DRC4: variants seen among roughly 807,000 people sequenced by gnomAD.
The protein encoded by DRC4 is GAS-11.
At chr16:90,044,242 A>G in the DRC4 span, 2 of 451,848 alleles carry the variant, frequency 4.4e-6, no homozygotes, top group Middle Eastern at 3.3e-4. Flanking sequence ...CTCTGTCAAC[A>G]AAGAGGGGAT....
chr16:90,027,874 G>C, the DRC4 span: 6 of 663,798 alleles, frequency 9.0e-6, no homozygotes, highest in Admixed American at 1.4e-4. Flanking sequence ...CCCATCAGCG[G>C]CAAAGCTTTC....
At chr16:90,020,356 A>G in the DRC4 span, among the ~76,000 whole-genome samples, 1 of 151,762 alleles carries the variant, frequency 6.6e-6, no homozygotes, top group African/African-American at 2.4e-5. Context: ...CTTCATAAAC[A>G]CTCTTGTTAA....
the DRC4 span, chr16:90,035,486 C>T: frequency 9.9e-6 from 10 of 1,009,868 alleles, no homozygotes; most frequent in African/African-American, 9.5e-5. Flanking sequence ...TTCATGTTCT[C>T]TCTCAAGCTT....
the DRC4 span, among the ~76,000 whole-genome samples, chr16:90,021,722 A>G: frequency 6.6e-6 from 1 of 151,980 alleles, no homozygotes; most frequent in East Asian, 1.9e-4. Context: ...TAAAAAAAAA[A>G]GCTGGGTATG....
the DRC4 span, chr16:90,022,731 AG>A: frequency 1.4e-6 from 2 of 1,403,384 alleles, no homozygotes; most frequent in Admixed American, 2.6e-5. Context: ...CATGGTGAGC[AG>A]GGGCGGGAGC....
the DRC4 span, chr16:90,019,695 C>T: frequency 1.8e-6 from 1 of 568,260 alleles, no homozygotes; most frequent in Non-Finnish European, 3.1e-6. The surrounding 1 kb of genome is among the most constrained non-coding windows in gnomAD (Gnocchi z 6.1). Context: ...CCTCCCGACC[C>T]CGGCCGGGCG....
the DRC4 span, chr16:90,043,561 C>A: frequency 1.7e-6 from 1 of 597,938 alleles, no homozygotes; most frequent in South Asian, 1.9e-5. Flanking sequence ...CCCTGGGTGC[C>A]GCACGTCCAG....
chr16:90,025,414 G>A, the DRC4 span, among the ~76,000 whole-genome samples: 1 of 151,440 alleles, frequency 6.6e-6, no homozygotes, highest in Non-Finnish European at 1.5e-5. Context: ...CACTTTGGGA[G>A]GCTTAGGTGG....
the DRC4 span, chr16:90,043,564 A>G: frequency 3.4e-6 from 2 of 594,602 alleles, no homozygotes; most frequent in Admixed American, 5.3e-5. Flanking sequence ...TGGGTGCCGC[A>G]CGTCCAGCCT....
the DRC4 span, chr16:90,043,603 T>C: frequency 1.6e-6 from 1 of 609,116 alleles, no homozygotes; most frequent in Non-Finnish European, 3.1e-6. Context: ...TGGTCTCACC[T>C]CCGACCACAG....
the DRC4 span, chr16:90,029,382 T>C: frequency 8.7e-7 from 1 of 1,151,964 alleles, no homozygotes; most frequent in African/African-American, 1.6e-5. Context: ...AGGAGTTCAG[T>C]GCTGTTTTTT....
chr16:90,031,475 G>A, the DRC4 span: 1 of 1,572,294 alleles, frequency 6.4e-7, no homozygotes, highest in Non-Finnish European at 8.6e-7. Flanking sequence ...AAGCCGAGGA[G>A]AGGCACCAGG....
At chr16:90,035,914 C>A in the DRC4 span, 1 of 1,440,918 alleles carries the variant, frequency 6.9e-7, no homozygotes, top group East Asian at 2.5e-5. Context: ...CACACACATT[C>A]CCACTCCTAG....
chr16:90,039,348 G>A, the DRC4 span, among the ~76,000 whole-genome samples: 5 of 149,170 alleles, frequency 3.4e-5, no homozygotes, highest in Non-Finnish European at 5.9e-5. Context: ...AAAATTTAGA[G>A]ACCAAGGCAG....
At chr16:90,025,091 A>G in the DRC4 span, among the ~76,000 whole-genome samples, 4 of 145,762 alleles carry the variant, frequency 2.7e-5, no homozygotes, top group Non-Finnish European at 6.0e-5. Flanking sequence ...ATCTTGGCTC[A>G]CTGCAACCTC....
the DRC4 span, chr16:90,038,000 C>T: frequency 4.3e-6 from 3 of 697,488 alleles, no homozygotes; most frequent in Non-Finnish European, 7.6e-6. Flanking sequence ...GGCCCCTGGA[C>T]CAGCTTCAGA....
the DRC4 span, chr16:90,042,651 C>T: frequency 2.5e-5 from 20 of 814,296 alleles, no homozygotes; most frequent in East Asian, 5.0e-4. Context: ...TTTGACAAGG[C>T]AGCTGTCACT....
chr16:90,032,532 T>A, the DRC4 span, among the ~76,000 whole-genome samples: 2 of 149,134 alleles, frequency 1.3e-5, no homozygotes, highest in African/African-American at 5.0e-5. Flanking sequence ...GTGGTATGGG[T>A]GACCAGGTGT....
chr16:90,027,668 C>T, the DRC4 span: 1 of 1,613,958 alleles, frequency 6.2e-7, no homozygotes, highest in Non-Finnish European at 8.5e-7. Context: ...AAGGCAAAGC[C>T]AAAGGCACCC....
Sources: allele counts gnomAD v4.1 joint callset (sites outside exome capture counted in the v4.1 genomes callset), GRCh38; gene constraint gnomAD v4.1.1; non-coding constraint Gnocchi (gnomAD v3.1); transcripts MANE v1.5; gene names NCBI Gene and HGNC (gene_info 2026-07-23, HGNC 2026-07-21).